Variants in MAN1A2 observed in about 807,000 individuals in gnomAD.
The protein encoded by MAN1A2 is mannosyl-oligosaccharide 1,2-alpha-mannosidase IB.
MAN1A2 carries 26 observed loss-of-function variants against 75.7 expected under a neutral mutation model. The observed-to-expected ratio is 0.34, with a 90% CI of 0.25 to 0.48. MAN1A2 has a LOEUF of 0.48. MAN1A2 is among the 20% of genes least tolerant of loss of function. The pLI is 0.99. For synonymous variants in MAN1A2, 247 were observed against 264.6 expected, an observed-to-expected ratio of 0.93 and a Z score of 0.65; for missense variants, 562 against 775.5, an observed-to-expected ratio of 0.72 and a Z score of 3.27.
At chr1:117,390,730 C>T (rs1015624174) in intron 1 of MAN1A2, among the ~76,000 whole-genome samples, 1 of 151,650 alleles carries the variant, frequency 6.6e-6, no homozygotes, top group African/African-American at 2.4e-5. Context: ...TTTTTTCCCC[C>T]TAATATAGAT....
chr1:117,403,098 C>T (rs955616044), intron 2 of MAN1A2, among the ~76,000 whole-genome samples: 7 of 152,020 alleles, frequency 4.6e-5, no homozygotes, highest in Non-Finnish European at 7.4e-5. Flanking sequence ...CCTAAAAATT[C>T]TGGGTGGAGT....
At chr1:117,376,470 C>T (rs529686093) in intron 1 of MAN1A2, among the ~76,000 whole-genome samples, 3 of 152,212 alleles carry the variant, frequency 2.0e-5, no homozygotes, top group Non-Finnish European at 2.9e-5. Context: ...ACAAAAGGCT[C>T]GCGCCAAGGC....
intron 6 of MAN1A2, among the ~76,000 whole-genome samples, chr1:117,456,302 A>G (rs1025957210): frequency 5.3e-5 from 8 of 152,066 alleles, no homozygotes; most frequent in Admixed American, 4.6e-4. Context: ...ACAGTATATT[A>G]AAAATGTTTT....
chr1:117,458,524 T>TATATATATATATAA (rs373076182), intron 6 of MAN1A2, among the ~76,000 whole-genome samples: 1 of 71,704 alleles, frequency 1.4e-5, no homozygotes, highest in African/African-American at 5.3e-5. Context: ...TATATATATA[T>TATATATATATATAA]TTTTTTTTTT....
At chr1:117,508,564 T>G (rs1354423879) in intron 12 of MAN1A2, among the ~76,000 whole-genome samples, 1 of 151,626 alleles carries the variant, frequency 6.6e-6, no homozygotes, top group Non-Finnish European at 1.5e-5. Context: ...TAAGAATAAG[T>G]AATCTTAAAT....
intron 8 of MAN1A2, among the ~76,000 whole-genome samples, chr1:117,486,406 A>G (rs1029931522): frequency 2.0e-5 from 3 of 151,960 alleles, no homozygotes; most frequent in African/African-American, 2.4e-5. Context: ...TATGTTTTAT[A>G]TGCTTTTCTG....
rs768700379 is a variant in MAN1A2 at position 117,420,663 on chromosome 1, A to C, written c.855+14A>C. Reference sequence around the variant, plus strand: ...TCAGGAGAGGAGGTGAGCAAAATCAAGCAATGCATTGTTTGTTTTGGAGGG... The same window carrying C: ...TCAGGAGAGGAGGTGAGCAAAATCACGCAATGCATTGTTTGTTTTGGAGGG... On this transcript the variant is annotated intron_variant, in intron 5 of 12. Transcript: ENST00000356554. 1.9e-6 allele frequency: 3 copies of C among 1,583,104 alleles called. No homozygotes were observed. The highest frequency in any genetic ancestry group is 2.6e-6 in the Non-Finnish European group (3 of 1,152,640).
intron 4 of MAN1A2, among the ~76,000 whole-genome samples, chr1:117,415,976 A>G (rs1015071485): frequency 3.3e-5 from 5 of 152,132 alleles, no homozygotes; most frequent in African/African-American, 1.2e-4. Context: ...CTGTGTAGCT[A>G]TGTAGCCTTT....
At chr1:117,369,423 GAAA>G (rs1361645129) in intron 1 of MAN1A2, among the ~76,000 whole-genome samples, 3 of 151,696 alleles carry the variant, frequency 2.0e-5, no homozygotes, top group African/African-American at 7.3e-5. Flanking sequence ...GAGTATGTGG[GAAA>G]AAAAATCATG....
chr1:117,383,846 C>G (rs1653435016), intron 1 of MAN1A2, among the ~76,000 whole-genome samples: 1 of 152,014 alleles, frequency 6.6e-6, no homozygotes, highest in African/African-American at 2.4e-5. Flanking sequence ...ACCTTGTACT[C>G]CTGGCCTTAA....
At chr1:117,377,695 G>T (rs1175527569) in intron 1 of MAN1A2, among the ~76,000 whole-genome samples, 1 of 151,456 alleles carries the variant, frequency 6.6e-6, no homozygotes, top group African/African-American at 2.4e-5. Flanking sequence ...TTTTGTGTTC[G>T]TTTTGTTTCT....
chr1:117,404,870 C>T (rs375309693), intron 2 of MAN1A2, among the ~76,000 whole-genome samples: 34 of 152,038 alleles, frequency 2.2e-4, no homozygotes, highest in African/African-American at 4.6e-4. Flanking sequence ...CTGGCTGACA[C>T]GGTGAAACCC....
At chr1:117,388,623 G>A (rs766455985) in intron 1 of MAN1A2, among the ~76,000 whole-genome samples, 1 of 152,102 alleles carries the variant, frequency 6.6e-6, no homozygotes, top group African/African-American at 2.4e-5. Flanking sequence ...GCTCACTATT[G>A]TGAGGACAGC....
intron 1 of MAN1A2, among the ~76,000 whole-genome samples, chr1:117,377,858 T>C (rs1653204473): frequency 6.6e-6 from 1 of 152,178 alleles, no homozygotes; most frequent in South Asian, 2.1e-4. Flanking sequence ...CCCAGCACTT[T>C]GGGAGGCCGA....
chr1:117,517,147 G>A (rs1651736285), intron 12 of MAN1A2, among the ~76,000 whole-genome samples: 2 of 152,096 alleles, frequency 1.3e-5, no homozygotes, highest in Non-Finnish European at 2.9e-5. Context: ...AATAATGAAA[G>A]CAAGACCTGA....
intron 6 of MAN1A2, among the ~76,000 whole-genome samples, chr1:117,456,021 G>C (rs1649571178): frequency 6.6e-6 from 1 of 152,142 alleles, no homozygotes; most frequent in East Asian, 1.9e-4. Context: ...TTACATTTCA[G>C]CTTTACTTGT....
In MAN1A2 at chr1:117,493,210, TG is replaced by T. The variant is rs1252729695; in HGVS notation, c.1233del (p.Met411IlefsTer20). 6.2e-7 allele frequency: 1 copy of T among 1,612,410 alleles called. No homozygotes were observed. Among genetic ancestry groups the T allele is most frequent in the Non-Finnish European group, 8.5e-7 (1 of 1,179,082 alleles). ...FYEYLLKAWLMSDKTDHEARK... is the reference protein window; with the variant it reads ...FYEYLLKAWLXSDKTDHEARK... ...GAATACTTACTGAAAGCATGGTTGA[TG>T]TCAGATAAAACAGACCATGAGGCAA... On this transcript the variant is annotated frameshift_variant, in exon 9 of 13. Coordinates refer to ENST00000356554, the MANE Select transcript of MAN1A2 (RefSeq NM_006699.5). LOFTEE classifies it high-confidence loss of function.
intron 6 of MAN1A2, among the ~76,000 whole-genome samples, chr1:117,445,880 G>GTATATATATATATATATA (rs771435341): frequency 3.2e-5 from 4 of 126,004 alleles, no homozygotes; most frequent in South Asian, 2.5e-4. Flanking sequence ...GTGTCTGTGT[G>GTATATATATATATATATA]TGTGTATATA....
chr1:117,523,031 CG>C lies in MAN1A2; in HGVS notation c.*76del, dbSNP rs1651911848. On this transcript the variant is annotated 3_prime_UTR_variant, in exon 13 of 13. Transcript: ENST00000356554. ...CACTACAGAAATTAGTTTGAAGGGG[CG>C]GCTTTTGAAAACCTGGACCTCTATG... 5.8e-6 allele frequency: 9 copies of C among 1,558,034 alleles called. No homozygotes were observed. The South Asian group carries it at 9.1e-5, about 16-fold the overall frequency.
Sources: allele counts gnomAD v4.1 joint callset (sites outside exome capture counted in the v4.1 genomes callset), GRCh38; gene constraint gnomAD v4.1.1; transcripts MANE v1.5; gene names NCBI Gene and HGNC (gene_info 2026-07-23, HGNC 2026-07-21).